Variants in RYR3 observed in about 807,000 individuals in gnomAD.
RYR3 encodes the protein brain ryanodine receptor-calcium release channel.
Under a neutral mutation model 584.3 loss-of-function variants are expected in RYR3, and 207 were observed. The ratio of observed to expected loss-of-function variants is 0.35; its 90% CI spans 0.32 to 0.40. The LOEUF is 0.40. RYR3 is among the 10% of genes least tolerant of loss of function. The pLI is 1.00. For missense variants in RYR3, 5,616 were observed against 6,089.2 expected, an observed-to-expected ratio of 0.92 and a Z score of 2.59; for synonymous variants, 2,416 against 2,248.5, an observed-to-expected ratio of 1.07 and a Z score of -2.11.
At chr15:33,828,899 C>T (rs2077515157) in intron 85 of RYR3, among the ~76,000 whole-genome samples, 1 of 151,438 alleles carries the variant, frequency 6.6e-6, no homozygotes, top group Non-Finnish European at 1.5e-5. Flanking sequence ...AGAGAGATAC[C>T]ATCTAGGACT....
In RYR3 at chr15:33,488,623, C is replaced by T. The variant is rs139105143; in HGVS notation, c.172-15008C>T. Among the ~76,000 whole-genome samples, 655 of 152,096 alleles carry T rather than the reference C, an allele frequency of 4.3e-3. 3 individuals are homozygous for T. Among genetic ancestry groups the T allele is most frequent in the South Asian group, 0.022 (105 of 4,824 alleles). On this transcript the variant is annotated intron_variant, in intron 2 of 103. Transcript: ENST00000634891. Reference sequence around the variant, plus strand: ...AATCCCAGCACTTGGGAGGACAAGGCGGGCAGATCACAAGGTCAGGAGATC... The same window carrying T: ...AATCCCAGCACTTGGGAGGACAAGGTGGGCAGATCACAAGGTCAGGAGATC...
intron 8 of RYR3, among the ~76,000 whole-genome samples, chr15:33,544,207 T>A (rs2056058343): frequency 6.6e-6 from 1 of 152,174 alleles, no homozygotes; most frequent in Non-Finnish European, 1.5e-5. Flanking sequence ...TGAATGCTTT[T>A]CAAAGTTTCA....
chr15:33,655,574 C>A (rs1401025520), intron 32 of RYR3, among the ~76,000 whole-genome samples: 1 of 152,182 alleles, frequency 6.6e-6, no homozygotes, highest in African/African-American at 2.4e-5. Flanking sequence ...CAGTTGTCTT[C>A]TTTTGGCTGG....
chr15:33,774,152 G>C (rs1339516234), intron 64 of RYR3, among the ~76,000 whole-genome samples: 2 of 152,122 alleles, frequency 1.3e-5, no homozygotes, highest in African/African-American at 2.4e-5. Flanking sequence ...GAAGCGTGTG[G>C]GTTCCAGTTT....
intron 16 of RYR3, among the ~76,000 whole-genome samples, chr15:33,597,977 C>CT (rs1295304838): frequency 6.6e-6 from 1 of 151,270 alleles, no homozygotes; most frequent in East Asian, 1.9e-4. Context: ...CAATTGTCAG[C>CT]TAAATAGCCT....
chr15:33,389,853 T>C (rs2041880551), intron 1 of RYR3, among the ~76,000 whole-genome samples: 1 of 152,216 alleles, frequency 6.6e-6, no homozygotes, highest in Admixed American at 6.5e-5. Context: ...TATTATTACA[T>C]GCAGCTATTT....
At chr15:33,800,506 T>A (rs1478306823) in intron 67 of RYR3, among the ~76,000 whole-genome samples, 1 of 152,240 alleles carries the variant, frequency 6.6e-6, no homozygotes, top group Non-Finnish European at 1.5e-5. Context: ...ATTTCTGACA[T>A]CAGTTTGCTA....
intron 1 of RYR3, among the ~76,000 whole-genome samples, chr15:33,453,526 A>G (rs943744924): frequency 2.0e-5 from 3 of 152,334 alleles, no homozygotes; most frequent in South Asian, 2.1e-4. Context: ...TAAGACCTAC[A>G]ACAGTTCTGT....
chr15:33,859,839 C>G (rs918300994), intron 100 of RYR3, 108 bp downstream of exon 100: 1 of 1,234,298 alleles, frequency 8.1e-7, no homozygotes, highest in Non-Finnish European at 1.1e-6. Flanking sequence ...AATTCATTTA[C>G]TTGTTAATTT....
chr15:33,345,277 C>T (rs1044379246), intron 1 of RYR3, among the ~76,000 whole-genome samples: 2 of 152,136 alleles, frequency 1.3e-5, no homozygotes, highest in African/African-American at 2.4e-5. Context: ...CATGGAGCTC[C>T]TAGCTCACAG....
At chr15:33,736,362 G>T (rs752778984) in intron 49 of RYR3, 37 bp downstream of exon 49, 9 of 1,430,218 alleles carry the variant, frequency 6.3e-6, no homozygotes, top group African/African-American at 1.4e-5. Flanking sequence ...ACAGTCTATT[G>T]CACAGGAAAC....
rs1484661915 is a variant in RYR3 at position 33,646,362 on chromosome 15, T to A, written c.3777T>A (p.Ile1259=). The A allele has an allele frequency of 6.2e-7, 1 of 1,606,764 alleles. No individual in the cohort carries two copies. Among genetic ancestry groups the A allele is most frequent in the Admixed American group, 1.7e-5 (1 of 59,718 alleles). The change falls in exon 29 of 104, where the codon ATT becomes ATA. Residue 1259 remains isoleucine (I), a synonymous_variant. Transcript: ENST00000634891. The part of the protein sequence containing the change: ...KDHPHIEVMR[I]DGTMDSPPCL... ...CGTCCTGTTTCCAGGTCATGAGGAT[T>A]GATGGCACCATGGACAGCCCTCCGT...
intron 1 of RYR3, among the ~76,000 whole-genome samples, chr15:33,430,925 A>C (rs559935977): frequency 6.6e-6 from 1 of 152,142 alleles, no homozygotes; most frequent in Non-Finnish European, 1.5e-5. Flanking sequence ...GCAGCCTCAG[A>C]AGAGAGTGTA....
intron 60 of RYR3, among the ~76,000 whole-genome samples, chr15:33,764,691 T>G (rs1274597786): frequency 2.0e-5 from 3 of 152,124 alleles, no homozygotes; most frequent in Non-Finnish European, 4.4e-5. Flanking sequence ...AGGTGGACAC[T>G]GCTTTCCATC....
At chr15:33,433,801 T>C (rs1158820676) in intron 1 of RYR3, among the ~76,000 whole-genome samples, 2 of 152,230 alleles carry the variant, frequency 1.3e-5, no homozygotes, top group African/African-American at 4.8e-5. Context: ...AAGCAGCTGG[T>C]TACCTCATCC....
At chr15:33,410,622 T>C (rs1225914127) in intron 1 of RYR3, among the ~76,000 whole-genome samples, 1 of 152,222 alleles carries the variant, frequency 6.6e-6, no homozygotes, top group Non-Finnish European at 1.5e-5. Context: ...AGAGTTGGAA[T>C]TGAGGCATAA....
intron 2 of RYR3, among the ~76,000 whole-genome samples, chr15:33,498,006 C>T (rs1262571095): frequency 6.6e-6 from 1 of 152,150 alleles, no homozygotes; most frequent in Non-Finnish European, 1.5e-5. Context: ...AACATAATGT[C>T]CTCCAGACTC....
rs2041936551 is a variant in RYR3 at position 33,390,653 on chromosome 15, GTCCCA to G, written c.51+79559_51+79563del. Among the ~76,000 whole-genome samples the G allele has an allele frequency of 6.6e-6, 1 of 152,174 alleles. No homozygotes were observed. The highest frequency in any genetic ancestry group is 2.4e-5 in the African/African-American group (1 of 41,436). On this transcript the variant is annotated intron_variant, in intron 1 of 103. Coordinates refer to ENST00000634891, the MANE Select transcript of RYR3 (RefSeq NM_001036.6). The surrounding 1 kb of genome is among the most constrained non-coding windows in gnomAD (Gnocchi z 4.2). ...GCCGACACCTGGGAACTTGGTACTT[GTCCCA>G]TTCTCTAAGAAATCAGAGTGGTTCA...
chr15:33,502,121 A>C (rs954626146), intron 2 of RYR3, among the ~76,000 whole-genome samples: 4 of 152,198 alleles, frequency 2.6e-5, no homozygotes, highest in African/African-American at 9.6e-5. Context: ...TACGTCACCC[A>C]GAGCCAGTAG....
Sources: gnomAD v4.1 joint callset for allele counts (sites outside exome capture counted in the v4.1 genomes callset) on GRCh38, gnomAD v4.1.1 for gene constraint, Gnocchi (gnomAD v3.1) non-coding constraint, MANE v1.5 for transcripts, NCBI Gene and HGNC (gene_info 2026-07-23, HGNC 2026-07-21) for gene names.